The following COL21A1 variants were observed in gnomAD, a reference collection of about 807,000 sequenced individuals.
COL21A1 encodes collagen alpha-1(XXI) chain.
Under a neutral mutation model 137.9 loss-of-function variants are expected in COL21A1, and 149 were observed. That is an observed-to-expected ratio of 1.08 (90% CI 0.95 to 1.24). The LOEUF is 1.24. Among genes scored for constraint, COL21A1 ranks in the 50% most tolerant of loss-of-function variants. COL21A1 has a pLI of 0.00. For missense variants in COL21A1, 1,167 were observed against 1,158.4 expected (o/e 1.01, Z -0.11); for synonymous variants, 456 against 391.5 (o/e 1.16, Z -1.95).
At chr6:56,337,444 C>T (rs779043324) in intron 1 of COL21A1, among the ~76,000 whole-genome samples, 7 of 151,392 alleles carry the variant, frequency 4.6e-5, no homozygotes, top group Non-Finnish European at 8.8e-5. Flanking sequence ...TGTCACACCA[C>T]ACTAAAAACT....
chr6:56,116,736 C>T (rs1771967451), intron 16 of COL21A1, among the ~76,000 whole-genome samples: 2 of 151,800 alleles, frequency 1.3e-5, no homozygotes, highest in South Asian at 4.1e-4. Context: ...AAAATAATAA[C>T]TATAACAACT....
At chr6:56,085,880 C>T (rs1265092195) in intron 17 of COL21A1, among the ~76,000 whole-genome samples, 1 of 149,474 alleles carries the variant, frequency 6.7e-6, no homozygotes, top group Non-Finnish European at 1.5e-5. Flanking sequence ...CAGATCATTT[C>T]CAAGAGAGTA....
At chr6:56,332,961 A>G (rs575457894) in intron 1 of COL21A1, among the ~76,000 whole-genome samples, 1 of 152,042 alleles carries the variant, frequency 6.6e-6, no homozygotes, top group Admixed American at 6.6e-5. Context: ...CCAACTTGTC[A>G]TTTTTCATTT....
intron 1 of COL21A1, among the ~76,000 whole-genome samples, chr6:56,328,374 T>C (rs73450723): frequency 0.18 from 27,708 of 152,048 alleles, 3,767 homozygotes; most frequent in African/African-American, 0.38. Context: ...AGAGTATAAT[T>C]GTCTCTTCAA....
At chr6:56,099,224 ATTTTTTTTTTTTT>A (rs765498868) in intron 17 of COL21A1, among the ~76,000 whole-genome samples, 1 of 111,998 alleles carries the variant, frequency 8.9e-6, no homozygotes, top group African/African-American at 3.8e-5. Flanking sequence ...CACAAACTAA[ATTTTTTTTTTTTT>A]TTTTTTTTTT....
intron 1 of COL21A1, among the ~76,000 whole-genome samples, chr6:56,308,039 T>G (rs899317423): frequency 2.0e-5 from 3 of 152,210 alleles, no homozygotes; most frequent in African/African-American, 7.2e-5. Flanking sequence ...TGCAACAATA[T>G]GCATGCTATG....
intron 1 of COL21A1, among the ~76,000 whole-genome samples, chr6:56,316,111 T>C (rs1174481267): frequency 6.6e-6 from 1 of 152,250 alleles, no homozygotes; most frequent in African/African-American, 2.4e-5. Flanking sequence ...AAGAATTGTA[T>C]ATATTTATGG....
intron 17 of COL21A1, among the ~76,000 whole-genome samples, chr6:56,086,251 C>A (rs906805264): frequency 6.6e-6 from 1 of 151,870 alleles, no homozygotes; most frequent in Non-Finnish European, 1.5e-5. Flanking sequence ...GGAGTTTTAA[C>A]CCACCACACG....
rs9475555 is a variant in COL21A1 at position 56,074,612 on chromosome 6, A to T, written c.1912-327T>A. On this transcript the variant is annotated intron_variant, in intron 19 of 29. Transcript: ENST00000244728. The stretch of plus-strand genomic sequence containing the variant: ...TTTCTACACTTTTTCTTTTGTTAGG[A>T]TGGCTAAAATTAGGTGTCTTCATAG... 7.3e-3 allele frequency among the ~76,000 whole-genome samples: 1,113 copies of T among 151,440 alleles called. 15 individuals are homozygous for T. Among genetic ancestry groups the T allele is most frequent in the African/African-American group, 0.025 (1,044 of 41,472 alleles).
intron 19 of COL21A1, among the ~76,000 whole-genome samples, chr6:56,075,254 GT>G (rs1368645489): frequency 6.6e-6 from 1 of 151,290 alleles, no homozygotes; most frequent in Non-Finnish European, 1.5e-5. Flanking sequence ...GGTCCCTGAT[GT>G]TTTTTTGGGT....
rs1765253245 is a variant in COL21A1, at chr6:56,332,584, C to CCCT, written c.-39+61386_-39+61387insAGG. On this transcript the variant is annotated intron_variant, in intron 1 of 28. Transcript: ENST00000370819. ...TTTAATACATGTCACCAAATAGCCC[C>CCCT]CCCGCCCCCGCCAAAAAGGGTTACA... Among the ~76,000 whole-genome samples, 2 of 147,862 alleles carry CCCT rather than the reference C, an allele frequency of 1.4e-5. 1 individual carries two copies. The highest frequency in any genetic ancestry group is 5.2e-5 in the African/African-American group (2 of 38,182).
intron 10 of COL21A1, among the ~76,000 whole-genome samples, chr6:56,143,651 C>T (rs889671251): frequency 6.6e-6 from 1 of 152,232 alleles, no homozygotes; most frequent in South Asian, 2.1e-4. Flanking sequence ...TTGCACTTCA[C>T]CAGGAAACAA....
At chr6:56,112,306 C>T (rs1175403606) in intron 16 of COL21A1, among the ~76,000 whole-genome samples, 2 of 152,216 alleles carry the variant, frequency 1.3e-5, no homozygotes, top group East Asian at 3.9e-4. Context: ...AGGAGGGAGG[C>T]AAGCAAGATG....
chr6:56,210,292 T>G (rs1421518938), intron 1 of COL21A1, among the ~76,000 whole-genome samples: 2 of 152,086 alleles, frequency 1.3e-5, no homozygotes, highest in Admixed American at 1.3e-4. Flanking sequence ...TTGAACTACA[T>G]ATGAGCTTAC....
In COL21A1 at chr6:56,263,171, A is replaced by G. The variant is rs145474591; in HGVS notation, c.-38-80515T>C. Among the ~76,000 whole-genome samples the G allele has an allele frequency of 1.4e-3, 216 of 152,374 alleles. 1 individual carries two copies. The highest frequency in any genetic ancestry group is 3.4e-3 in the Middle Eastern group (1 of 294). On this transcript the variant is annotated intron_variant, in intron 1 of 28. Coordinates refer to the COL21A1 transcript ENST00000370819. ...ACAAATACAGAGTCTAACGCATAGT[A>G]TGCTTAATAGATACTTGTTGAATGA...
chr6:56,230,701 C>G (rs1781507310), intron 1 of COL21A1, among the ~76,000 whole-genome samples: 1 of 151,798 alleles, frequency 6.6e-6, no homozygotes, highest in Non-Finnish European at 1.5e-5. Context: ...TATCTAACTC[C>G]TTACCACATG....
chr6:56,390,877 A>T lies in COL21A1; in HGVS notation c.-39+3094T>A, dbSNP rs76002834. 2.0e-5 allele frequency among the ~76,000 whole-genome samples: 3 copies of T among 152,116 alleles called. No homozygotes were observed. The South Asian group carries it at 6.2e-4, about 32-fold the overall frequency. ...TACCCCAATTCAATAATTGTTGGGAACCTCAACCACCTACTTTTAGCATTG... is the reference window on the plus strand; with the variant it reads ...TACCCCAATTCAATAATTGTTGGGATCCTCAACCACCTACTTTTAGCATTG... On this transcript the variant is annotated intron_variant, in intron 1 of 28. Coordinates refer to the COL21A1 transcript ENST00000370819.
intron 10 of COL21A1, among the ~76,000 whole-genome samples, chr6:56,154,283 T>C (rs1191991941): frequency 2.0e-5 from 3 of 152,174 alleles, no homozygotes; most frequent in Admixed American, 1.3e-4. Context: ...CTCTTGGACT[T>C]CCCAGCCTGC....
chr6:56,195,886 G>A (rs1778986375), intron 1 of COL21A1, among the ~76,000 whole-genome samples: 1 of 152,012 alleles, frequency 6.6e-6, no homozygotes, highest in African/African-American at 2.4e-5. Flanking sequence ...TATGAGGCTG[G>A]CTTTACCCTA....
Sources: allele counts gnomAD v4.1 joint callset (sites outside exome capture counted in the v4.1 genomes callset), GRCh38; gene constraint gnomAD v4.1.1; transcripts MANE v1.5; gene names NCBI Gene and HGNC (gene_info 2026-07-23, HGNC 2026-07-21).